The following ZMYM4 variants were observed in gnomAD, a reference collection of about 807,000 sequenced individuals.
The protein encoded by ZMYM4 is zinc finger MYM-type protein 4.
A neutral mutation model predicts 183.2 loss-of-function variants in ZMYM4; 31 were observed. The ratio of observed to expected loss-of-function variants is 0.17; its 90% CI spans 0.13 to 0.23. The LOEUF (loss-of-function observed/expected upper bound fraction) is 0.23. Ranked by LOEUF, ZMYM4 falls within the 10% of genes least tolerant of loss-of-function variation. The pLI is 1.00. For synonymous variants in ZMYM4, 592 were observed against 631.2 expected, an observed-to-expected ratio of 0.94 and a Z score of 0.93; for missense variants, 1,273 against 1,840.3, an observed-to-expected ratio of 0.69 and a Z score of 5.64.
intron 13 of ZMYM4, 89 bp from the exon 14 acceptor site, chr1:35,388,821 C>A: frequency 8.2e-7 from 1 of 1,215,754 alleles, no homozygotes; most frequent in Non-Finnish European, 1.2e-6. Context: ...CAGGTGTGAG[C>A]CACTGCACCG....
chr1:35,294,932 T>C (rs1640933208), intron 1 of ZMYM4, among the ~76,000 whole-genome samples: 1 of 152,220 alleles, frequency 6.6e-6, no homozygotes, highest in African/African-American at 2.4e-5. Context: ...GATAACCACT[T>C]GAGTCATTTT....
chr1:35,399,657 C>T lies in ZMYM4; in HGVS notation c.3528+81C>T, dbSNP rs1482085821. On this transcript the variant is annotated intron_variant, in intron 23 of 29. Coordinates refer to ENST00000314607, the MANE Select transcript of ZMYM4 (RefSeq NM_005095.3). Reference sequence around the variant, plus strand: ...TTTAGTTCCTGCTGCTTTCAAAACTCTGTAACAGCCAGAGTCAGGTAGTTC... The same window carrying T: ...TTTAGTTCCTGCTGCTTTCAAAACTTTGTAACAGCCAGAGTCAGGTAGTTC... 33 of 1,443,426 alleles carry T rather than the reference C, an allele frequency of 2.3e-5. No individual in the cohort carries two copies. The East Asian group carries it at 7.6e-4, about 33-fold the overall frequency. The allele number at this position is 1,443,426 out of a possible 1,614,324, so 89.4% of individuals were successfully genotyped here.
In ZMYM4 at chr1:35,405,180, A is replaced by T; in HGVS notation, c.3686A>T (p.Asp1229Val). The change falls in exon 24 of 30, where the codon GAT becomes GTT. Residue 1229 changes from aspartate to valine, a missense_variant. Physicochemically the swap from Asp to Val is radical, Grantham distance 152. Transcript: ENST00000314607. Reference sequence around the variant, plus strand: ...AAAAATGCCAAGGAAGAGCAGGGGGATCTAAAATGTGGAGGTAAGTGCACA... The same window carrying T: ...AAAAATGCCAAGGAAGAGCAGGGGGTTCTAAAATGTGGAGGTAAGTGCACA... ...QWKNAKEEQG[D>V]LKCGGVEQAS... 1 of 1,613,926 alleles carries T rather than the reference A, an allele frequency of 6.2e-7. No homozygotes were observed.
intron 1 of ZMYM4, among the ~76,000 whole-genome samples, chr1:35,311,157 C>T (rs1258829915): frequency 6.6e-6 from 1 of 152,014 alleles, no homozygotes; most frequent in African/African-American, 2.4e-5. Flanking sequence ...TTGTGGCTCA[C>T]GTCTGTAATC....
intron 2 of ZMYM4, among the ~76,000 whole-genome samples, chr1:35,348,521 AT>A (rs2148877758): frequency 6.6e-6 from 1 of 152,348 alleles, no homozygotes; most frequent in Admixed American, 6.5e-5. Flanking sequence ...CATTGTAGTT[AT>A]TATCTCGTTC....
rs11264149 is a variant in ZMYM4, at chr1:35,388,482, G to A, written c.2264-428G>A. 3.7e-3 allele frequency among the ~76,000 whole-genome samples: 564 copies of A among 152,268 alleles called. 5 individuals carry two copies. The highest frequency in any genetic ancestry group is 0.013 in the African/African-American group (536 of 41,536). ...GGCCTCCCAGAGTGCTGGGATTACA[G>A]GTGTGAGCCACTACGCCCAGCCCCA... On this transcript the variant is annotated intron_variant, in intron 13 of 29. Transcript: ENST00000314607.
intron 13 of ZMYM4, among the ~76,000 whole-genome samples, chr1:35,388,642 CTG>C (rs752891204): frequency 1.4e-4 from 21 of 152,290 alleles, no homozygotes; most frequent in East Asian, 9.6e-4. Context: ...TCAAGATACT[CTG>C]TGAACTGGTC....
In ZMYM4 at chr1:35,405,391, C is replaced by T. The variant is rs1644984660; in HGVS notation, c.3719C>T (p.Ser1240Phe). Residue 1240 changes from serine (S) to phenylalanine (F), a missense_variant, in exon 25 of 30, where the codon TCT becomes TTT. Transcript: ENST00000314607. Reference sequence around the variant, plus strand: ...TTGTCAGGGGTTGAACAGGCCTCATCTAGCCCACGTTCTGACCCCTTAGGA... The same window carrying T: ...TTGTCAGGGGTTGAACAGGCCTCATTTAGCCCACGTTCTGACCCCTTAGGA... ...LKCGGVEQAS[S>F]SPRSDPLGST... 1 of 1,612,898 alleles carries T rather than the reference C, an allele frequency of 6.2e-7. No individual in the cohort carries two copies. The highest frequency in any genetic ancestry group is 1.7e-5 in the Admixed American group (1 of 59,752).
intron 2 of ZMYM4, among the ~76,000 whole-genome samples, chr1:35,347,252 C>T (rs1020278895): frequency 1.3e-5 from 2 of 152,336 alleles, no homozygotes; most frequent in South Asian, 2.1e-4. Flanking sequence ...GGTGATCCAC[C>T]GGCCTCGGCC....
chr1:35,375,262 A>G (rs1644310674), intron 7 of ZMYM4, among the ~76,000 whole-genome samples: 1 of 152,036 alleles, frequency 6.6e-6, no homozygotes, highest in South Asian at 2.1e-4. Context: ...CTACTCTTTA[A>G]TCTCCTGTTC....
intron 1 of ZMYM4, among the ~76,000 whole-genome samples, chr1:35,285,877 A>G (rs921147514): frequency 6.6e-6 from 1 of 152,208 alleles, no homozygotes; most frequent in African/African-American, 2.4e-5. Context: ...ATAAACTAGG[A>G]AAAGAGGGGA....
At chr1:35,345,036 CAG>C (rs1172956365) in intron 2 of ZMYM4, among the ~76,000 whole-genome samples, 2 of 152,200 alleles carry the variant, frequency 1.3e-5, no homozygotes, top group Non-Finnish European at 2.9e-5. Context: ...TCTGCACAGT[CAG>C]AGTCTGCATC....
At chr1:35,272,941 C>T (rs1035199193) in intron 1 of ZMYM4, among the ~76,000 whole-genome samples, 3 of 152,146 alleles carry the variant, frequency 2.0e-5, no homozygotes, top group Non-Finnish European at 4.4e-5. Context: ...GTCTCGATCT[C>T]CTGACCTCGT....
intron 7 of ZMYM4, among the ~76,000 whole-genome samples, chr1:35,374,540 T>TTGTA (rs1480775976): frequency 6.6e-6 from 1 of 152,008 alleles, no homozygotes; most frequent in Non-Finnish European, 1.5e-5. Flanking sequence ...TGGCATGCAC[T>TTGTA]TGTAGTCCCA....
At chr1:35,294,889 T>G (rs146679101) in intron 1 of ZMYM4, among the ~76,000 whole-genome samples, 2 of 152,210 alleles carry the variant, frequency 1.3e-5, no homozygotes, top group African/African-American at 4.8e-5. Flanking sequence ...AACGGACTTT[T>G]CAGAACAAGG....
chr1:35,296,972 C>T (rs1336648660), intron 1 of ZMYM4, among the ~76,000 whole-genome samples: 1 of 151,192 alleles, frequency 6.6e-6, no homozygotes, highest in Non-Finnish European at 1.5e-5. Context: ...GCCTCAGCCT[C>T]CTGAGTAGCT....
intron 2 of ZMYM4, among the ~76,000 whole-genome samples, chr1:35,350,242 A>T (rs952382311): frequency 6.6e-6 from 1 of 150,504 alleles, no homozygotes; most frequent in Non-Finnish European, 1.5e-5. Flanking sequence ...AAAAAAAAAA[A>T]GTAGCAATCT....
chr1:35,272,740 G>A (rs1301301610), intron 1 of ZMYM4, among the ~76,000 whole-genome samples: 1 of 152,092 alleles, frequency 6.6e-6, no homozygotes, highest in Non-Finnish European at 1.5e-5. Context: ...ATGGAGTCTT[G>A]CTCTGTCGCC....
chr1:35,334,542 T>C (rs1348888108), intron 2 of ZMYM4, among the ~76,000 whole-genome samples: 1 of 152,218 alleles, frequency 6.6e-6, no homozygotes, highest in Non-Finnish European at 1.5e-5. Flanking sequence ...CTGTATTGTC[T>C]AGTAATAAAT....
Sources: allele counts gnomAD v4.1 joint callset (sites outside exome capture counted in the v4.1 genomes callset), GRCh38; gene constraint gnomAD v4.1.1; transcripts MANE v1.5; gene names NCBI Gene and HGNC (gene_info 2026-07-23, HGNC 2026-07-21).